The following RBFOX1 variants were observed in gnomAD, a reference collection of about 807,000 sequenced individuals.
RBFOX1 encodes RNA binding protein fox-1 homolog 1.
A neutral mutation model predicts 57.7 loss-of-function variants in RBFOX1; 8 were observed. The observed-to-expected ratio is 0.14, with a 90% CI of 0.08 to 0.25. The LOEUF (loss-of-function observed/expected upper bound fraction) is 0.25, where lower values mean the gene tolerates loss of function less well. Ranked by LOEUF, RBFOX1 falls within the 10% of genes least tolerant of loss-of-function variation. The pLI is 1.00. For missense variants in RBFOX1, 611 were observed against 548.5 expected, an observed-to-expected ratio of 1.11 and a Z score of -1.14; for synonymous variants, 326 against 222.4, an observed-to-expected ratio of 1.47 and a Z score of -4.15.
intron 2 of RBFOX1, among the ~76,000 whole-genome samples, chr16:5,567,232 C>A (rs77322132): frequency 0.035 from 5,276 of 152,240 alleles, 314 homozygotes; most frequent in African/African-American, 0.12. Context: ...ACATGTGGGA[C>A]GTATCCTGTG....
chr16:7,064,574 C>G (rs1174848463), intron 4 of RBFOX1, among the ~76,000 whole-genome samples: 2 of 152,112 alleles, frequency 1.3e-5, no homozygotes, highest in Non-Finnish European at 2.9e-5. Context: ...GGAGGATGAT[C>G]TGAGAAGAAA....
chr16:5,639,922 C>G (rs148597896), intron 3 of RBFOX1, among the ~76,000 whole-genome samples: 5 of 152,304 alleles, frequency 3.3e-5, no homozygotes, highest in African/African-American at 1.2e-4. Flanking sequence ...ATTGTGCTAA[C>G]CAGGCAAGCT....
At chr16:5,371,078 G>T (rs1001630669) in intron 1 of RBFOX1, among the ~76,000 whole-genome samples, 1 of 152,212 alleles carries the variant, frequency 6.6e-6, no homozygotes, top group South Asian at 2.1e-4. Flanking sequence ...CTCCCAAGTA[G>T]CTGGGACTAC....
chr16:6,076,915 T>C (rs76722520), intron 1 of RBFOX1, among the ~76,000 whole-genome samples: 58,402 of 151,934 alleles, frequency 0.38, 12,247 homozygotes, highest in Non-Finnish European at 0.49. Context: ...TGGAAGCCAA[T>C]GGTCAAGTTT....
intron 4 of RBFOX1, among the ~76,000 whole-genome samples, chr16:5,880,197 G>C (rs2057727921): frequency 6.6e-6 from 1 of 152,142 alleles, no homozygotes; most frequent in Non-Finnish European, 1.5e-5. Context: ...CAAACAAGAG[G>C]AAATGGAGGC....
intron 1 of RBFOX1, among the ~76,000 whole-genome samples, chr16:5,423,807 T>C (rs2067429698): frequency 6.6e-6 from 1 of 152,228 alleles, no homozygotes; most frequent in African/African-American, 2.4e-5. Flanking sequence ...TCCAACCTGA[T>C]TTTGGCATAA....
intron 1 of RBFOX1, among the ~76,000 whole-genome samples, chr16:5,256,002 C>A (rs1247415483): frequency 3.3e-5 from 5 of 151,898 alleles, no homozygotes; most frequent in Admixed American, 1.3e-4. Flanking sequence ...CATCGACACT[C>A]AATAGAGATT....
Position 7,571,921 on chromosome 16 carries a change from G to A in RBFOX1, c.271-7856G>A, listed in dbSNP as rs141185406. Among the ~76,000 whole-genome samples, 1,226 of 152,302 alleles carry A rather than the reference G, an allele frequency of 8.0e-3. 21 individuals are homozygous for A. The highest frequency in any genetic ancestry group is 0.028 in the African/African-American group (1,181 of 41,568). ...AGGCAGGTGGATCACCTGAGGTCAG[G>A]AGTTTGAGACCAGCCTGGCCAACAT... is the stretch of plus-strand genomic sequence containing the variant. On this transcript the variant is annotated intron_variant, in intron 5 of 15. Coordinates refer to ENST00000550418, the MANE Select transcript of RBFOX1 (RefSeq NM_018723.4).
intron 3 of RBFOX1, among the ~76,000 whole-genome samples, chr16:5,703,812 A>G (rs962737820): frequency 6.6e-6 from 1 of 152,194 alleles, no homozygotes; most frequent in Admixed American, 6.5e-5. Flanking sequence ...TACATATTTA[A>G]TATGCAACCC....
intron 2 of RBFOX1, among the ~76,000 whole-genome samples, chr16:6,395,250 A>G (rs1374745387): frequency 6.6e-6 from 1 of 152,222 alleles, no homozygotes; most frequent in Non-Finnish European, 1.5e-5. Context: ...CATTAAACGA[A>G]TGCGTTTTTG....
intron 4 of RBFOX1, among the ~76,000 whole-genome samples, chr16:7,071,818 A>G (rs1047587687): frequency 2.6e-5 from 4 of 152,094 alleles, no homozygotes; most frequent in Admixed American, 6.6e-5. Flanking sequence ...TTCTACACAC[A>G]CACACCTGCC....
chr16:5,980,511 T>C (rs2060150934), intron 4 of RBFOX1, among the ~76,000 whole-genome samples: 2 of 152,168 alleles, frequency 1.3e-5, no homozygotes, highest in Admixed American at 1.3e-4. Context: ...TTTTATTGGC[T>C]ACCTGTGGGG....
intron 3 of RBFOX1, among the ~76,000 whole-genome samples, chr16:7,019,705 C>G (rs998372142): frequency 2.0e-5 from 3 of 152,162 alleles, no homozygotes; most frequent in Non-Finnish European, 4.4e-5. Context: ...GGAAGTGAAT[C>G]TCATGCTAAA....
chr16:7,213,388 C>T (rs917376258), intron 4 of RBFOX1, among the ~76,000 whole-genome samples: 4 of 152,072 alleles, frequency 2.6e-5, no homozygotes, highest in African/African-American at 9.7e-5. Context: ...CTTTAAGTTC[C>T]CAGTGTAATA....
chr16:6,100,264 G>A (rs1183651872), intron 1 of RBFOX1, among the ~76,000 whole-genome samples: 1 of 152,038 alleles, frequency 6.6e-6, no homozygotes, highest in Admixed American at 6.6e-5. Context: ...CTGGGTTCAC[G>A]CCATTCTCCT....
chr16:5,705,748 G>A (rs950364206), intron 3 of RBFOX1, among the ~76,000 whole-genome samples: 11 of 152,156 alleles, frequency 7.2e-5, no homozygotes, highest in African/African-American at 2.4e-4. Context: ...GGCTTTTAGG[G>A]ATAACAAGAT....
rs1834039 is a variant in RBFOX1 at position 6,097,166 on chromosome 16, T to A, written c.-127+77174T>A. ...CTTATATTCTTTCCTGTCTGCTGCC[T>A]TGTAAGACGTGACTTTCGCTTTCTG... On this transcript the variant is annotated intron_variant, in intron 1 of 15. Transcript: ENST00000550418. The surrounding 1 kb of genome is among the most constrained non-coding windows in gnomAD (Gnocchi z 5.0). Among the ~76,000 whole-genome samples the A allele has an allele frequency of 0.6, 91,365 of 152,036 alleles. 27,550 individuals carry two copies. Among genetic ancestry groups the A allele is most frequent in the South Asian group, 0.63 (3,026 of 4,806 alleles).
At chr16:5,553,394 C>A (rs2045542854) in intron 2 of RBFOX1, among the ~76,000 whole-genome samples, 1 of 151,648 alleles carries the variant, frequency 6.6e-6, no homozygotes, top group African/African-American at 2.4e-5. Flanking sequence ...CAGCTCACTG[C>A]ACACTCCGCC....
At chr16:5,299,574 G>A (rs988037059) in intron 1 of RBFOX1, among the ~76,000 whole-genome samples, 1 of 152,118 alleles carries the variant, frequency 6.6e-6, no homozygotes. Flanking sequence ...ATTGTTTCAT[G>A]TTCTCACCAA....
Sources: gnomAD v4.1 joint callset for allele counts (sites outside exome capture counted in the v4.1 genomes callset) on GRCh38, gnomAD v4.1.1 for gene constraint, Gnocchi (gnomAD v3.1) non-coding constraint, MANE v1.5 for transcripts, NCBI Gene and HGNC (gene_info 2026-07-23, HGNC 2026-07-21) for gene names.